AMD1: variants seen among roughly 807,000 people sequenced by gnomAD.
AMD1 encodes S-adenosylmethionine decarboxylase proenzyme.
A neutral mutation model predicts 40.2 loss-of-function variants in AMD1; 11 were observed. The observed-to-expected ratio is 0.27, with a 90% CI of 0.17 to 0.45. The LOEUF is 0.45. Among genes scored for constraint, AMD1 ranks in the 20% least tolerant of loss-of-function variants. AMD1 has a pLI of 1.00. For synonymous variants in AMD1, 121 were observed against 130.8 expected, an observed-to-expected ratio of 0.93 and a Z score of 0.51; for missense variants, 257 against 410.2, an observed-to-expected ratio of 0.63 and a Z score of 3.23.
In AMD1 at chr6:110,890,040, A is replaced by G. The variant is rs73534864; in HGVS notation, c.325-214A>G. 2,156 of 451,206 alleles carry G rather than the reference A, an allele frequency of 4.8e-3. 43 individuals are homozygous for G. Among genetic ancestry groups the G allele is most frequent in the African/African-American group, 0.04 (1,955 of 48,448 alleles). 28.0% of individuals were successfully genotyped at this position (451,206 alleles called of 1,614,324 possible). On this transcript the variant is annotated intron_variant, in intron 3 of 8. Transcript: ENST00000368885. ...GAGAGAGAGAGAGAGATGGGGCCTC[A>G]GTATGTTGCCCAGGCTGGACTCCTG...
the AMD1 span, chr6:110,859,184 G>A: frequency 2.2e-6 from 2 of 922,608 alleles, no homozygotes; most frequent in Non-Finnish European, 1.6e-6. Flanking sequence ...TCATCTCCCC[G>A]TCTGAGTTTC....
chr6:110,843,058 G>T, the AMD1 span, among the ~76,000 whole-genome samples: 2 of 150,980 alleles, frequency 1.3e-5, no homozygotes, highest in Non-Finnish European at 3.0e-5. Flanking sequence ...GCTTGTACCT[G>T]GGAGGTAGAG....
At chr6:110,832,334 A>G in the AMD1 span, among the ~76,000 whole-genome samples, 2 of 151,666 alleles carry the variant, frequency 1.3e-5, no homozygotes, top group African/African-American at 2.4e-5. Flanking sequence ...AATTTTTTGT[A>G]GAGATGAAGT....
chr6:110,882,776 G>A (rs1293356309), intron 1 of AMD1, among the ~76,000 whole-genome samples: 7 of 152,174 alleles, frequency 4.6e-5, no homozygotes, highest in African/African-American at 1.2e-4. Context: ...ACTATTAGTT[G>A]AGGAAAGGTT....
At chr6:110,856,419 G>C in the AMD1 span, 1 of 152,216 alleles carries the variant, frequency 6.6e-6, no homozygotes, top group Non-Finnish European at 1.5e-5. Flanking sequence ...TTGGATTGGT[G>C]CTCGTATAAA....
intron 1 of AMD1, 43 bp from the exon 2 acceptor site, chr6:110,887,462 G>T: frequency 7.2e-7 from 1 of 1,383,950 alleles, no homozygotes; most frequent in South Asian, 1.3e-5. Flanking sequence ...TGAGTAGGTG[G>T]GTACTATTGT....
At chr6:110,866,085 A>T in the AMD1 span, among the ~76,000 whole-genome samples, 3 of 152,198 alleles carry the variant, frequency 2.0e-5, no homozygotes, top group African/African-American at 7.2e-5. Flanking sequence ...TCAAAAAATT[A>T]AATTAAAAAA....
At chr6:110,876,044 C>T (rs1166403179) in intron 1 of AMD1, among the ~76,000 whole-genome samples, 1 of 152,338 alleles carries the variant, frequency 6.6e-6, no homozygotes, top group Non-Finnish European at 1.5e-5. Flanking sequence ...GGGAGGCCCG[C>T]CTGCCCCAGG....
chr6:110,839,237 T>C, the AMD1 span, among the ~76,000 whole-genome samples: 65 of 152,290 alleles, frequency 4.3e-4, no homozygotes, highest in Middle Eastern at 3.4e-3. Flanking sequence ...TTCTACACAC[T>C]GAATGATAGG....
chr6:110,887,517 C>T lies in AMD1; in HGVS notation c.123C>T (p.Asp41=). Residue 41 remains aspartate (D), a synonymous_variant, in exon 2 of 9, where the codon GAC becomes GAT. Transcript: ENST00000368885. ...DLRTIPRSEW[D]ILLKDVQCSI... ...TGTTAAATGATAGATCTGAGTGGGA[C>T]ATACTTTTGAAGGATGTGCAATGTT... 6.2e-7 allele frequency: 1 copy of T among 1,606,156 alleles called. No homozygotes were observed. Among genetic ancestry groups the T allele is most frequent in the Non-Finnish European group, 8.5e-7 (1 of 1,177,080 alleles).
At chr6:110,863,237 G>A in the AMD1 span, among the ~76,000 whole-genome samples, 1 of 151,554 alleles carries the variant, frequency 6.6e-6, no homozygotes, top group African/African-American at 2.4e-5. Context: ...GAGCCACCAC[G>A]CCTGGCCCCC....
chr6:110,854,282 C>G, the AMD1 span, among the ~76,000 whole-genome samples: 1 of 152,138 alleles, frequency 6.6e-6, no homozygotes, highest in Non-Finnish European at 1.5e-5. Flanking sequence ...GGGACACTCC[C>G]CTTCTTACAC....
intron 1 of AMD1, among the ~76,000 whole-genome samples, chr6:110,884,009 A>G (rs1217810221): frequency 6.6e-6 from 1 of 152,244 alleles, no homozygotes; most frequent in Non-Finnish European, 1.5e-5. Flanking sequence ...AAAGTTTTAT[A>G]TGAACACTCC....
chr6:110,847,458 G>C, the AMD1 span, among the ~76,000 whole-genome samples: 1 of 151,602 alleles, frequency 6.6e-6, no homozygotes, highest in Non-Finnish European at 1.5e-5. Context: ...CCGGGAGACG[G>C]AGCTTGCAGT....
At chr6:110,883,059 A>T (rs1006486572) in intron 1 of AMD1, among the ~76,000 whole-genome samples, 1 of 152,168 alleles carries the variant, frequency 6.6e-6, no homozygotes, top group Non-Finnish European at 1.5e-5. Context: ...TGGGAGGCCA[A>T]GGCTGCAGTG....
At chr6:110,843,873 C>T in the AMD1 span, among the ~76,000 whole-genome samples, 1 of 152,134 alleles carries the variant, frequency 6.6e-6, no homozygotes, top group Non-Finnish European at 1.5e-5. Context: ...CAGGTGTGAG[C>T]CACGGAGCTC....
the AMD1 span, among the ~76,000 whole-genome samples, chr6:110,829,245 T>C: frequency 6.6e-6 from 1 of 151,370 alleles, no homozygotes; most frequent in East Asian, 1.9e-4. Context: ...GAAAAATGAA[T>C]TTTCGGCTGA....
the AMD1 span, among the ~76,000 whole-genome samples, chr6:110,843,884 G>A: frequency 2.7e-4 from 41 of 152,176 alleles, no homozygotes; most frequent in African/African-American, 9.6e-4. Context: ...CACGGAGCTC[G>A]GCCCCTTTTC....
the AMD1 span, chr6:110,858,468 G>T: frequency 8.2e-7 from 1 of 1,213,692 alleles, no homozygotes; most frequent in Non-Finnish European, 1.2e-6. Context: ...AAGATCAACC[G>T]TTCCATGCAG....
Sources: gnomAD v4.1 joint callset for allele counts (sites outside exome capture counted in the v4.1 genomes callset) on GRCh38, gnomAD v4.1.1 for gene constraint, MANE v1.5 for transcripts, NCBI Gene and HGNC (gene_info 2026-07-23, HGNC 2026-07-21) for gene names.